The following MGMT variants were observed in gnomAD, a reference collection of about 807,000 sequenced individuals.
MGMT encodes the protein methylated-DNA--protein-cysteine methyltransferase.
In MGMT, 14 loss-of-function variants were observed where a neutral mutation model predicts 15.9. The observed-to-expected ratio is 0.88, with a 90% CI of 0.58 to 1.37. MGMT has a LOEUF of 1.37. Ranked by LOEUF, MGMT falls within the 40% of genes most tolerant of loss-of-function variation. The pLI is 0.00. For synonymous variants in MGMT, 130 were observed against 118.2 expected (o/e 1.10, Z -0.65); for missense variants, 282 against 268.1 (o/e 1.05, Z -0.36).
chr10:129,560,221 C>T (rs985463872), intron 2 of MGMT, among the ~76,000 whole-genome samples: 19 of 152,250 alleles, frequency 1.2e-4, no homozygotes, highest in African/African-American at 3.4e-4. Context: ...TATATAAAAA[C>T]GAGGATCGTT....
chr10:129,507,595 T>C (rs1845638918), intron 1 of MGMT, among the ~76,000 whole-genome samples: 1 of 152,064 alleles, frequency 6.6e-6, no homozygotes, highest in African/African-American at 2.4e-5. Context: ...GTTCCGGTGC[T>C]GGGGGAGGAA....
intron 1 of MGMT, among the ~76,000 whole-genome samples, chr10:129,488,451 C>G (rs150070700): frequency 2.8e-4 from 43 of 152,146 alleles, no homozygotes; most frequent in African/African-American, 1.0e-3. Context: ...CTTATATAGT[C>G]TGAATTCTAA....
At chr10:129,751,026 A>G (rs1848745638) in intron 3 of MGMT, among the ~76,000 whole-genome samples, 1 of 151,892 alleles carries the variant, frequency 6.6e-6, no homozygotes, top group Admixed American at 6.6e-5. Context: ...TTGGTTTCTG[A>G]CTTTTTCTGG....
intron 2 of MGMT, among the ~76,000 whole-genome samples, chr10:129,643,206 C>T (rs1483259298): frequency 6.6e-6 from 1 of 152,092 alleles, no homozygotes; most frequent in Non-Finnish European, 1.5e-5. Flanking sequence ...TGAGGTTAAG[C>T]GTCCCCCATG....
intron 2 of MGMT, among the ~76,000 whole-genome samples, chr10:129,538,323 A>G (rs1208768940): frequency 6.6e-6 from 1 of 152,140 alleles, no homozygotes; most frequent in Non-Finnish European, 1.5e-5. Flanking sequence ...TTTTGTTTCC[A>G]TTTCTCCAGA....
intron 2 of MGMT, among the ~76,000 whole-genome samples, chr10:129,573,564 T>C (rs1270135071): frequency 6.6e-6 from 1 of 152,236 alleles, no homozygotes; most frequent in Non-Finnish European, 1.5e-5. Context: ...TTCTACTTTT[T>C]AAATGTTGTT....
intron 2 of MGMT, among the ~76,000 whole-genome samples, chr10:129,545,926 A>G (rs989651045): frequency 6.6e-6 from 1 of 152,232 alleles, no homozygotes; most frequent in Non-Finnish European, 1.5e-5. Flanking sequence ...TTGCGTGCTG[A>G]TCAGTTCAGA....
Position 129,625,366 on chromosome 10 carries a change from GACCAACACA to G in MGMT, c.126-82524_126-82516del. ...GAATAATTCCTAGCTTGTTTCATAAGACCAACACAACCATGACACCAAGATGCCAAGATG... is the reference window on the plus strand; with the variant it reads ...GAATAATTCCTAGCTTGTTTCATAAGACCATGACACCAAGATGCCAAGATG... On this transcript the variant is annotated intron_variant, in intron 2 of 4. Coordinates refer to ENST00000651593, the MANE Select transcript of MGMT (RefSeq NM_002412.5). Among the ~76,000 whole-genome samples the G allele has an allele frequency of 2.0e-5, 3 of 152,288 alleles. No individual in the cohort carries two copies. The Middle Eastern group carries it at 0.01, about 518-fold the overall frequency.
Position 129,670,137 on chromosome 10 carries a change from T to C in MGMT, c.126-37758T>C, listed in dbSNP as rs370242393. Among the ~76,000 whole-genome samples the C allele has an allele frequency of 6.1e-5, 9 of 146,502 alleles. No individual in the cohort carries two copies. In the South Asian group the frequency reaches 1.3e-3, roughly 21 times the overall value. On this transcript the variant is annotated intron_variant, in intron 2 of 4. Coordinates refer to ENST00000651593, the MANE Select transcript of MGMT (RefSeq NM_002412.5). ...CCGTGAGCATCAATGAAGTACACCATTGATTACACTCTTTAAATAATGTGC... is the reference window on the plus strand; with the variant it reads ...CCGTGAGCATCAATGAAGTACACCACTGATTACACTCTTTAAATAATGTGC...
intron 2 of MGMT, among the ~76,000 whole-genome samples, chr10:129,570,400 G>A (rs1359318107): frequency 6.6e-6 from 1 of 152,234 alleles, no homozygotes; most frequent in Non-Finnish European, 1.5e-5. Context: ...TGCAGATCCG[G>A]GGCCAGCCCA....
At chr10:129,713,523 G>A (rs1230880026) in intron 3 of MGMT, among the ~76,000 whole-genome samples, 2 of 152,150 alleles carry the variant, frequency 1.3e-5, no homozygotes, top group Non-Finnish European at 2.9e-5. Context: ...CAGTAGGATT[G>A]TCCGATGTCT....
chr10:129,467,581 C>G, intron 1 of MGMT: 1 of 297,234 alleles, frequency 3.4e-6, no homozygotes, highest in South Asian at 1.3e-4. Flanking sequence ...GGTGCCAGCC[C>G]CAGGCCCGGG....
rs2308324 is a variant in MGMT, at chr10:129,766,964, T to A, written c.591T>A (p.Ala197=). Residue 197 remains alanine, a synonymous_variant, in exon 5 of 5, where the codon GCT becomes GCA. Coordinates refer to ENST00000651593, the MANE Select transcript of MGMT (RefSeq NM_002412.5). ...GGGCCTGGCTCAAGGGAGCGGGAGCTACCTCGGGCTCCCCGCCTGCTGGCC... is the reference window on the plus strand; with the variant it reads ...GGGCCTGGCTCAAGGGAGCGGGAGCAACCTCGGGCTCCCCGCCTGCTGGCC... ...LAGAWLKGAG[A]TSGSPPAGRN The A allele has an allele frequency of 1.1e-3, 1,807 of 1,607,764 alleles. 3 individuals carry two copies. The highest frequency in any genetic ancestry group is 1.5e-3 in the Non-Finnish European group (1,714 of 1,176,992).
At chr10:129,739,599 T>C (rs1848607078) in intron 3 of MGMT, among the ~76,000 whole-genome samples, 1 of 151,976 alleles carries the variant, frequency 6.6e-6, no homozygotes, top group Admixed American at 6.6e-5. Flanking sequence ...CCCTACGCCC[T>C]GGTCAGATCA....
At chr10:129,508,201 C>T (rs1845644321) in intron 1 of MGMT, among the ~76,000 whole-genome samples, 1 of 152,084 alleles carries the variant, frequency 6.6e-6, no homozygotes, top group Non-Finnish European at 1.5e-5. Flanking sequence ...AGTAAAAAGC[C>T]CTTTTGCGGG....
chr10:129,676,571 C>T (rs753972888), intron 2 of MGMT, among the ~76,000 whole-genome samples: 7 of 152,124 alleles, frequency 4.6e-5, no homozygotes, highest in Non-Finnish European at 1.0e-4. Flanking sequence ...AGGCTCTGCA[C>T]GTGACATGGA....
At chr10:129,490,569 A>G (rs1432192089) in intron 1 of MGMT, among the ~76,000 whole-genome samples, 1 of 140,994 alleles carries the variant, frequency 7.1e-6, no homozygotes, top group Non-Finnish European at 1.6e-5. Context: ...TGCACAGTCT[A>G]TCTTTTTCTA....
At chr10:129,584,951 T>TC in intron 2 of MGMT, among the ~76,000 whole-genome samples, 1 of 152,300 alleles carries the variant, frequency 6.6e-6, no homozygotes, top group South Asian at 2.1e-4. Flanking sequence ...ATATATGTGT[T>TC]CATTTCTCTT....
At chr10:129,719,360 G>A (rs971915732) in intron 3 of MGMT, among the ~76,000 whole-genome samples, 21 of 152,250 alleles carry the variant, frequency 1.4e-4, no homozygotes, top group African/African-American at 4.1e-4. Flanking sequence ...TGCCTGGTGC[G>A]CGCTGGGGCA....
Sources: gnomAD v4.1 joint callset for allele counts (sites outside exome capture counted in the v4.1 genomes callset) on GRCh38, gnomAD v4.1.1 for gene constraint, MANE v1.5 for transcripts, NCBI Gene and HGNC (gene_info 2026-07-23, HGNC 2026-07-21) for gene names.